IARS2: variants seen among roughly 807,000 people sequenced by gnomAD.
IARS2 encodes the protein isoleucine--tRNA ligase, mitochondrial.
A neutral mutation model predicts 126.3 loss-of-function variants in IARS2; 56 were observed. That is an observed-to-expected ratio of 0.44 (90% confidence interval 0.36 to 0.55). IARS2 has a LOEUF of 0.55. Among genes scored for constraint, IARS2 ranks in the 20% least tolerant of loss-of-function variants. IARS2 has a pLI of 0.00. For missense variants in IARS2, 1,127 were observed against 1,245.9 expected (o/e 0.90, Z 1.44); for synonymous variants, 407 against 441.1 (o/e 0.92, Z 0.97).
intron 12 of IARS2, among the ~76,000 whole-genome samples, chr1:220,120,538 G>C (rs1232215763): frequency 1.3e-5 from 2 of 151,924 alleles, no homozygotes; most frequent in Non-Finnish European, 2.9e-5. Context: ...CACCATACCT[G>C]GGTAATTTTT....
Position 220,102,193 on chromosome 1 carries a change from G to A in IARS2, c.615G>A (p.Met205Ile). ...QKSAFIRWGI[M>I]ADWNNCYYTF... ...CAGCATTTATTCGTTGGGGAATAAT[G>A]GCAGATTGGAATAATTGCTACTATA... is the stretch of plus-strand genomic sequence containing the variant. Residue 205 changes from methionine to isoleucine, a missense_variant, in exon 4 of 23, where the codon ATG (methionine) becomes ATA (isoleucine). Transcript: ENST00000366922. 1 of 1,611,686 alleles carries A rather than the reference G, an allele frequency of 6.2e-7. No homozygotes were observed. The highest frequency in any genetic ancestry group is 8.5e-7 in the Non-Finnish European group (1 of 1,178,860).
Position 220,102,486 on chromosome 1 carries a change from A to C in IARS2, c.750-9A>C. The stretch of plus-strand genomic sequence containing the variant: ...CCAAGTATTTATGTTTAATATTTTT[A>C]ACCCTTAGGACTGCATTGGCTGAAG... On this transcript the variant is annotated splice_polypyrimidine_tract_variant and intron_variant, in intron 5 of 22. Coordinates refer to ENST00000366922, the MANE Select transcript of IARS2 (RefSeq NM_018060.4). The C allele has an allele frequency of 6.2e-7, 1 of 1,611,458 alleles. No homozygotes were observed. The highest frequency in any genetic ancestry group is 8.5e-7 in the Non-Finnish European group (1 of 1,178,522).
intron 9 of IARS2, 55 bp from the exon 10 acceptor site, chr1:220,107,006 T>C (rs1396064947): frequency 1.8e-6 from 2 of 1,118,070 alleles, no homozygotes; most frequent in Non-Finnish European, 2.7e-6. Flanking sequence ...TTGCCAGATA[T>C]TGTCATAAGA....
rs1657646403 is a variant in IARS2 at position 220,148,041 on chromosome 1, A to G, written c.*406A>G. ...GAAAATAAAGGCATTCTGGAAAAAT[A>G]CTGACTGATTTTGGTGCAGAAGTTT... On this transcript the variant is annotated 3_prime_UTR_variant, in exon 23 of 23. Transcript: ENST00000366922. 5.4e-6 allele frequency: 2 copies of G among 369,094 alleles called. No homozygotes were observed. Among genetic ancestry groups the G allele is most frequent in the South Asian group, 2.9e-4 (2 of 6,814 alleles). The allele number at this position is 369,094 out of a possible 1,614,324, so 22.9% of individuals were successfully genotyped here.
At chr1:220,130,381 T>C (rs1307562393) in intron 14 of IARS2, among the ~76,000 whole-genome samples, 1 of 152,194 alleles carries the variant, frequency 6.6e-6, no homozygotes, top group Non-Finnish European at 1.5e-5. Flanking sequence ...GTTCCATTTG[T>C]CTATTTTCGC....
chr1:220,126,120 A>AG (rs1465945475), intron 13 of IARS2, among the ~76,000 whole-genome samples: 1 of 151,152 alleles, frequency 6.6e-6, no homozygotes, highest in Admixed American at 6.6e-5. Flanking sequence ...AAAAAAAAAA[A>AG]AAAGAAAAAG....
rs79823965 is a variant in IARS2, at chr1:220,107,888, A to G, written c.1327+737A>G. On this transcript the variant is annotated intron_variant, in intron 10 of 22. Transcript: ENST00000366922. ...CTCCACTCTCTGCCTGTCTTGTCACATGGCCTTCTTTAGATCTTACTTGTT... is the reference window on the plus strand; with the variant it reads ...CTCCACTCTCTGCCTGTCTTGTCACGTGGCCTTCTTTAGATCTTACTTGTT... Among the ~76,000 whole-genome samples the G allele has an allele frequency of 2.9e-4, 44 of 152,220 alleles. No homozygotes were observed. In the East Asian group the frequency reaches 8.3e-3, roughly 29 times the overall value.
chr1:220,098,511 A>T (rs1656500016), intron 2 of IARS2, among the ~76,000 whole-genome samples: 1 of 152,070 alleles, frequency 6.6e-6, no homozygotes, highest in African/African-American at 2.4e-5. Context: ...ATAGTGTGTG[A>T]TATGTTGGTA....
Position 220,094,137 on chromosome 1 carries a change from G to T in IARS2, c.-80G>T. 1 of 1,378,100 alleles carries T rather than the reference G, an allele frequency of 7.3e-7. No individual in the cohort carries two copies. Among genetic ancestry groups the T allele is most frequent in the Non-Finnish European group, 9.5e-7 (1 of 1,052,730 alleles). The allele number at this position is 1,378,100 out of a possible 1,614,324, so 85.4% of individuals were successfully genotyped here. A position where few individuals can be genotyped will look rare whatever the true frequency, so the allele number is the denominator to read the frequency against. ...CGGAGCGCGTGCGCCCTCTTACTCG[G>T]CTCCCCTTGGTTTCCTGGGGTCCTG... is the stretch of plus-strand genomic sequence containing the variant. On this transcript the variant is annotated 5_prime_UTR_variant, in exon 1 of 23. Coordinates refer to ENST00000366922, the MANE Select transcript of IARS2 (RefSeq NM_018060.4).
At chr1:220,113,955 ATAGTT>A (rs1280596676) in intron 11 of IARS2, among the ~76,000 whole-genome samples, 54 of 152,328 alleles carry the variant, frequency 3.5e-4, no homozygotes, top group African/African-American at 1.1e-3. Context: ...GATTTTAACT[ATAGTT>A]TAGTGAAGTA....
At chr1:220,110,725 A>G (rs570223030) in intron 10 of IARS2, 61 bp from the exon 11 acceptor site, 1 of 1,312,086 alleles carries the variant, frequency 7.6e-7, no homozygotes, top group African/African-American at 1.5e-5. Context: ...AGTTTAGAGC[A>G]TTTTTAGGAT....
chr1:220,114,843 G>T (rs1316865459), intron 12 of IARS2, among the ~76,000 whole-genome samples: 2 of 152,048 alleles, frequency 1.3e-5, no homozygotes, highest in Non-Finnish European at 2.9e-5. Flanking sequence ...TTCCTTTTCA[G>T]TGGAAATGGG....
chr1:220,142,466 T>C (rs1657509122), intron 20 of IARS2, among the ~76,000 whole-genome samples: 1 of 152,182 alleles, frequency 6.6e-6, no homozygotes, highest in Non-Finnish European at 1.5e-5. Context: ...CATGCCACTG[T>C]ACTTCAGCCT....
chr1:220,111,695 A>G (rs962730306), intron 11 of IARS2, among the ~76,000 whole-genome samples: 1 of 151,780 alleles, frequency 6.6e-6, no homozygotes, highest in East Asian at 1.9e-4. Context: ...CAGGTTGAAT[A>G]TATAGATATT....
chr1:220,123,899 G>T (rs963431322), intron 12 of IARS2, among the ~76,000 whole-genome samples: 4 of 152,236 alleles, frequency 2.6e-5, no homozygotes, highest in African/African-American at 9.6e-5. Flanking sequence ...TTTGAATAAT[G>T]CTTACATAGT....
chr1:220,134,429 T>C lies in IARS2; in HGVS notation c.1865T>C (p.Leu622Ser). The change falls in exon 15 of 23, where the codon TTG becomes TCG. Residue 622 changes from leucine (L) to serine (S), a missense_variant. Physicochemically the swap from Leu to Ser is moderately radical, Grantham distance 145 (BLOSUM62 -2). Coordinates refer to ENST00000366922, the MANE Select transcript of IARS2 (RefSeq NM_018060.4). ...CCTGACCAAAGAGCAGATTTGTACTTGGAAGGAAAAGACCAGCTCGGGGGT... is the reference window on the plus strand; with the variant it reads ...CCTGACCAAAGAGCAGATTTGTACTCGGAAGGAAAAGACCAGCTCGGGGGT... ...PGPDQRADLY[L>S]EGKDQLGGWF... 6.2e-7 allele frequency: 1 copy of C among 1,611,910 alleles called. No individual in the cohort carries two copies.
At chr1:220,114,597 C>G in intron 12 of IARS2, 123 bp downstream of exon 12, 2 of 677,548 alleles carry the variant, frequency 3.0e-6, no homozygotes, top group Non-Finnish European at 4.9e-6. Context: ...CTAAAATAGT[C>G]TTTTGGGGGA....
chr1:220,146,770 C>G (rs1005843529), intron 22 of IARS2, among the ~76,000 whole-genome samples: 3 of 152,268 alleles, frequency 2.0e-5, no homozygotes, highest in African/African-American at 7.2e-5. Context: ...CTCCCAGATT[C>G]AAGCAATTCT....
Position 220,094,498 on chromosome 1 carries a change from T to C in IARS2, c.267+15T>C, listed in dbSNP as rs2102814299. The C allele has an allele frequency of 3.2e-6, 5 of 1,572,508 alleles. No individual in the cohort carries two copies. Among genetic ancestry groups the C allele is most frequent in the Non-Finnish European group, 4.3e-6 (5 of 1,161,648 alleles). ...AGATCCAGCAGGTACGGGCCCCGCC[T>C]CGGCGCGGGGCCTCCAGAGAGGCCC... On this transcript the variant is annotated intron_variant, in intron 1 of 22. Transcript: ENST00000366922.
Sources: allele counts gnomAD v4.1 joint callset (sites outside exome capture counted in the v4.1 genomes callset), GRCh38; gene constraint gnomAD v4.1.1; transcripts MANE v1.5; gene names NCBI Gene and HGNC (gene_info 2026-07-23, HGNC 2026-07-21).